METTL15: variants seen among roughly 807,000 people sequenced by gnomAD.
METTL15 encodes the protein methyltransferase 15, mitochondrial 12S rRNA N4-cytidine.
A neutral mutation model predicts 38.3 loss-of-function variants in METTL15; 34 were observed. The observed-to-expected ratio is 0.89, with a 90% CI of 0.68 to 1.18. The LOEUF is 1.18. Ranked by LOEUF, METTL15 falls within the 50% of genes most tolerant of loss-of-function variation. The pLI is 0.00. For synonymous variants in METTL15, 162 were observed against 170.9 expected (o/e 0.95, Z 0.41); for missense variants, 438 against 498.4 (o/e 0.88, Z 1.15).
At position 28,110,227 on chromosome 11, in the gene METTL15, G is replaced by C. The variant is rs1232488875; in HGVS notation, c.-192G>C. 1 of 152,238 alleles carries C rather than the reference G, an allele frequency of 6.6e-6. No homozygotes were observed. Among genetic ancestry groups the C allele is most frequent in the Non-Finnish European group, 1.5e-5 (1 of 68,052 alleles). 9.4% of individuals were successfully genotyped at this position (152,238 alleles called of 1,614,324 possible). A position where few individuals can be genotyped will look rare whatever the true frequency, so the allele number is the denominator to read the frequency against. On this transcript the variant is annotated 5_prime_UTR_variant, in exon 2 of 7. Coordinates refer to ENST00000407364, the MANE Select transcript of METTL15 (RefSeq NM_001113528.2). Reference sequence around the variant, plus strand: ...TTGGCAGCTGAGGCTGGAAACAGCGGAACCAAAGGCAGACGGTCCTCAGTT... The same window carrying C: ...TTGGCAGCTGAGGCTGGAAACAGCGCAACCAAAGGCAGACGGTCCTCAGTT...
chr11:28,407,632 C>A (rs1159591922), intron 5 of METTL15, among the ~76,000 whole-genome samples: 1 of 151,868 alleles, frequency 6.6e-6, no homozygotes, highest in Non-Finnish European at 1.5e-5. Flanking sequence ...GTCAGAATGG[C>A]GATTATTAAA....
intron 4 of METTL15, among the ~76,000 whole-genome samples, chr11:28,277,420 A>G (rs1239707812): frequency 4.6e-5 from 7 of 152,162 alleles, no homozygotes; most frequent in African/African-American, 1.7e-4. Flanking sequence ...GAAATTGGCC[A>G]GTCATGGTGG....
At chr11:28,461,788 T>C (rs1262794972) in intron 6 of METTL15, among the ~76,000 whole-genome samples, 2 of 152,138 alleles carry the variant, frequency 1.3e-5, no homozygotes, top group African/African-American at 4.8e-5. Flanking sequence ...GACATGTATA[T>C]ATTATGTAGT....
At chr11:28,377,478 C>T (rs940809559) in intron 5 of METTL15, among the ~76,000 whole-genome samples, 6 of 152,122 alleles carry the variant, frequency 3.9e-5, no homozygotes, top group African/African-American at 7.2e-5. Flanking sequence ...GTGTTGTTCA[C>T]GTAGTTCTCG....
At chr11:28,143,704 G>A (rs573378934) in intron 3 of METTL15, among the ~76,000 whole-genome samples, 27 of 152,262 alleles carry the variant, frequency 1.8e-4, no homozygotes, top group African/African-American at 5.8e-4. Flanking sequence ...GAACAAAGAC[G>A]CATTAATGAT....
At chr11:28,359,034 G>A (rs1850113654) in intron 4 of METTL15, among the ~76,000 whole-genome samples, 1 of 152,084 alleles carries the variant, frequency 6.6e-6, no homozygotes, top group African/African-American at 2.4e-5. Flanking sequence ...TGTCACCCAG[G>A]TAGTGAGCAT....
chr11:28,142,250 G>T (rs1849724873), intron 3 of METTL15, among the ~76,000 whole-genome samples: 1 of 152,160 alleles, frequency 6.6e-6, no homozygotes, highest in African/African-American at 2.4e-5. Flanking sequence ...TTTATAGATA[G>T]AAAAGGGCCA....
At chr11:28,120,802 T>A (rs1033189276) in intron 3 of METTL15, among the ~76,000 whole-genome samples, 1 of 152,196 alleles carries the variant, frequency 6.6e-6, no homozygotes, top group Non-Finnish European at 1.5e-5. Context: ...TTATCCTTCT[T>A]AAAGTTTCTC....
chr11:28,355,162 C>G (rs2133364183), intron 4 of METTL15, among the ~76,000 whole-genome samples: 1 of 152,330 alleles, frequency 6.6e-6, no homozygotes, highest in Non-Finnish European at 1.5e-5. Flanking sequence ...CACCTTCTCC[C>G]TTTATCCCAA....
intron 1 of METTL15, among the ~76,000 whole-genome samples, chr11:28,109,687 G>A (rs1461600287): frequency 6.6e-6 from 1 of 152,150 alleles, no homozygotes; most frequent in East Asian, 1.9e-4. Flanking sequence ...ATGGATCATT[G>A]GTGAAGAATA....
intron 3 of METTL15, among the ~76,000 whole-genome samples, chr11:28,120,184 C>G (rs1219535633): frequency 6.6e-6 from 1 of 151,494 alleles, no homozygotes. Flanking sequence ...CATCTCCTGA[C>G]CTCGTGATCT....
chr11:28,323,055 T>TA (rs1849522541), intron 6 of METTL15, among the ~76,000 whole-genome samples: 1 of 152,212 alleles, frequency 6.6e-6, no homozygotes, highest in Non-Finnish European at 1.5e-5. Context: ...CATATACACC[T>TA]ATATGTATTT....
intron 6 of METTL15, among the ~76,000 whole-genome samples, chr11:28,473,115 C>T (rs1415785746): frequency 6.6e-6 from 1 of 152,138 alleles, no homozygotes; most frequent in African/African-American, 2.4e-5. Context: ...GTGTGATTGA[C>T]ATTCAACAGC....
chr11:28,215,427 G>C (rs948644571), intron 4 of METTL15, among the ~76,000 whole-genome samples: 2 of 152,002 alleles, frequency 1.3e-5, no homozygotes, highest in African/African-American at 4.8e-5. Context: ...AGGGAATCTA[G>C]TGTGGCTCGC....
intron 3 of METTL15, chr11:28,197,614 T>C: frequency 3.0e-6 from 1 of 329,986 alleles, no homozygotes; most frequent in South Asian, 2.6e-5. Context: ...CGTCTGAAAC[T>C]TGTGCTATCT....
chr11:28,147,995 T>C (rs1346625126), intron 3 of METTL15, among the ~76,000 whole-genome samples: 1 of 151,878 alleles, frequency 6.6e-6, no homozygotes, highest in Admixed American at 6.6e-5. Context: ...TAAATCTTTC[T>C]GAGGGTCCAC....
chr11:28,405,540 G>T (rs1850666261), intron 5 of METTL15, among the ~76,000 whole-genome samples: 1 of 152,036 alleles, frequency 6.6e-6, no homozygotes, highest in African/African-American at 2.4e-5. Flanking sequence ...AAATAAATCT[G>T]GAAAATGTTC....
intron 5 of METTL15, among the ~76,000 whole-genome samples, chr11:28,392,384 A>C (rs952938332): frequency 6.6e-5 from 10 of 152,150 alleles, no homozygotes; most frequent in African/African-American, 2.2e-4. Flanking sequence ...GTATAAGGAC[A>C]GACATATAGA....
At chr11:28,173,359 A>G (rs1272553916) in intron 3 of METTL15, among the ~76,000 whole-genome samples, 2 of 152,166 alleles carry the variant, frequency 1.3e-5, no homozygotes, top group Non-Finnish European at 2.9e-5. Flanking sequence ...TCTTATACCA[A>G]GTGAAGATGC....
Sources: allele counts gnomAD v4.1 joint callset (sites outside exome capture counted in the v4.1 genomes callset), GRCh38; gene constraint gnomAD v4.1.1; transcripts MANE v1.5; gene names NCBI Gene and HGNC (gene_info 2026-07-23, HGNC 2026-07-21).